AGBL4: variants seen among roughly 807,000 people sequenced by gnomAD.
AGBL4 encodes cytosolic carboxypeptidase 6.
AGBL4 carries 58 observed loss-of-function variants against 66.4 expected under a neutral mutation model. The observed-to-expected ratio is 0.87, with a 90% CI of 0.71 to 1.09. The LOEUF (loss-of-function observed/expected upper bound fraction) is 1.09. AGBL4 is among the 50% of genes least tolerant of loss of function. The pLI, the probability that AGBL4 is intolerant of heterozygous loss-of-function variation, is 0.00. For synonymous variants in AGBL4, 234 were observed against 222.9 expected (o/e 1.05, Z -0.44); for missense variants, 579 against 631.0 (o/e 0.92, Z 0.88).
intron 4 of AGBL4, chr1:49,187,614 A>G (rs1374273584): frequency 2.6e-5 from 4 of 152,150 alleles, no homozygotes; most frequent in African/African-American, 9.7e-5. Context: ...AAATCATGTC[A>G]TGTCACTCCT....
At chr1:49,746,614 T>C (rs1249484085) in intron 2 of AGBL4, among the ~76,000 whole-genome samples, 2 of 152,060 alleles carry the variant, frequency 1.3e-5, no homozygotes, top group African/African-American at 2.4e-5. Flanking sequence ...GGAAGGCAGG[T>C]AAAAGAATCA....
intron 4 of AGBL4, among the ~76,000 whole-genome samples, chr1:49,130,914 T>C (rs550402518): frequency 3.3e-4 from 50 of 152,228 alleles, no homozygotes; most frequent in South Asian, 8.3e-4. Flanking sequence ...AATTAATTCC[T>C]AGGTGGAAAA....
At position 49,120,661 on chromosome 1, in the gene AGBL4, G is replaced by A. The variant is rs193122859; in HGVS notation, c.378-74861C>T. Reference sequence around the variant, plus strand: ...TTGGTGCCTTAACATTTCAACCTTCGTGAAACTGACAATTATGTGTCTTGG... The same window carrying A: ...TTGGTGCCTTAACATTTCAACCTTCATGAAACTGACAATTATGTGTCTTGG... On this transcript the variant is annotated intron_variant, in intron 4 of 13. Coordinates refer to ENST00000371839, the MANE Select transcript of AGBL4 (RefSeq NM_032785.4). 3.9e-5 allele frequency among the ~76,000 whole-genome samples: 6 copies of A among 152,110 alleles called. 1 individual carries two copies. Among genetic ancestry groups the A allele is most frequent in the South Asian group, 4.2e-4 (2 of 4,804 alleles).
chr1:49,919,312 A>G (rs1651943550), intron 1 of AGBL4, among the ~76,000 whole-genome samples: 1 of 152,244 alleles, frequency 6.6e-6, no homozygotes, highest in Admixed American at 6.5e-5. Context: ...TTTGCAGATG[A>G]CATAATTGTA....
intron 6 of AGBL4, among the ~76,000 whole-genome samples, chr1:48,701,145 G>T: frequency 6.6e-6 from 1 of 152,120 alleles, no homozygotes; most frequent in East Asian, 1.9e-4. Flanking sequence ...GCTGCCTCCT[G>T]CTTGGGATGC....
At chr1:49,679,754 G>A (rs1646651715) in intron 3 of AGBL4, among the ~76,000 whole-genome samples, 1 of 151,980 alleles carries the variant, frequency 6.6e-6, no homozygotes, top group African/African-American at 2.4e-5. Flanking sequence ...GCACATAGTG[G>A]TTGCTCTAGG....
intron 6 of AGBL4, among the ~76,000 whole-genome samples, chr1:48,750,220 C>T (rs753858431): frequency 6.6e-6 from 1 of 152,180 alleles, no homozygotes; most frequent in African/African-American, 2.4e-5. Flanking sequence ...GGACTGCACC[C>T]CAGCCCACTC....
intron 3 of AGBL4, among the ~76,000 whole-genome samples, chr1:49,330,979 C>A (rs1193585721): frequency 6.6e-6 from 1 of 152,134 alleles, no homozygotes; most frequent in African/African-American, 2.4e-5. Context: ...AGGGAACCCC[C>A]ACTCCCAGCC....
At chr1:48,789,521 C>A (rs1477520268) in intron 6 of AGBL4, among the ~76,000 whole-genome samples, 2 of 152,040 alleles carry the variant, frequency 1.3e-5, no homozygotes, top group Non-Finnish European at 2.9e-5. Flanking sequence ...GATCTCCTGA[C>A]CTTGTGATCC....
intron 6 of AGBL4, among the ~76,000 whole-genome samples, chr1:48,701,623 A>C (rs1434016072): frequency 6.6e-6 from 1 of 152,148 alleles, no homozygotes; most frequent in Non-Finnish European, 1.5e-5. Context: ...TTTTAGCATC[A>C]AGTTAGATAA....
chr1:49,483,432 C>T (rs191684599), intron 3 of AGBL4, among the ~76,000 whole-genome samples: 1 of 151,952 alleles, frequency 6.6e-6, no homozygotes, highest in East Asian at 1.9e-4. Flanking sequence ...AATGCAATCC[C>T]TCTCAAAATA....
At chr1:49,766,556 T>A (rs1428161777) in intron 2 of AGBL4, among the ~76,000 whole-genome samples, 2 of 151,650 alleles carry the variant, frequency 1.3e-5, no homozygotes, top group African/African-American at 4.8e-5. Flanking sequence ...AACTTCACAA[T>A]AGGATCAAAA....
intron 3 of AGBL4, among the ~76,000 whole-genome samples, chr1:49,472,278 C>G (rs562378641): frequency 1.3e-5 from 2 of 152,018 alleles, no homozygotes; most frequent in Non-Finnish European, 2.9e-5. Context: ...TCAAGTTTTA[C>G]TAGGAAACCA....
intron 6 of AGBL4, among the ~76,000 whole-genome samples, chr1:48,765,971 T>C (rs557715072): frequency 1.8e-4 from 27 of 152,274 alleles, no homozygotes; most frequent in African/African-American, 6.5e-4. Context: ...TTTTGGGTGA[T>C]AAAAACGTTC....
intron 1 of AGBL4, among the ~76,000 whole-genome samples, chr1:49,976,685 T>C (rs1658584271): frequency 6.6e-6 from 1 of 152,246 alleles, no homozygotes; most frequent in Non-Finnish European, 1.5e-5. Context: ...TCACAGAGCT[T>C]TATAATGATG....
At chr1:48,680,689 C>T (rs920070709) in intron 6 of AGBL4, among the ~76,000 whole-genome samples, 20 of 152,198 alleles carry the variant, frequency 1.3e-4, no homozygotes, top group Non-Finnish European at 2.4e-4. Flanking sequence ...TTTGGCAAGG[C>T]GGCTCTGGGG....
intron 5 of AGBL4, among the ~76,000 whole-genome samples, chr1:48,931,698 G>A (rs957227448): frequency 1.3e-5 from 2 of 152,000 alleles, no homozygotes; most frequent in African/African-American, 4.8e-5. Flanking sequence ...TGTAGATAAC[G>A]GGGTTTTTCC....
At chr1:49,366,456 C>T (rs1192744925) in intron 3 of AGBL4, among the ~76,000 whole-genome samples, 3 of 152,234 alleles carry the variant, frequency 2.0e-5, no homozygotes, top group South Asian at 4.1e-4. Context: ...TTTTTTCCAC[C>T]ATGAGAGAGT....
At chr1:49,311,308 G>C (rs1303609598) in intron 3 of AGBL4, among the ~76,000 whole-genome samples, 6 of 152,024 alleles carry the variant, frequency 3.9e-5, no homozygotes, top group Non-Finnish European at 5.9e-5. Flanking sequence ...ATGACTTCAA[G>C]ATCTTTTTCA....
Sources: gnomAD v4.1 joint callset for allele counts (sites outside exome capture counted in the v4.1 genomes callset) on GRCh38, gnomAD v4.1.1 for gene constraint, MANE v1.5 for transcripts, NCBI Gene and HGNC (gene_info 2026-07-23, HGNC 2026-07-21) for gene names.